CSMD1: variants seen among roughly 807,000 people sequenced by gnomAD.
CSMD1 encodes CUB and Sushi multiple domains 1.
In CSMD1, 213 loss-of-function variants were observed where a neutral mutation model predicts 417.5. That is an observed-to-expected ratio of 0.51 (90% CI 0.46 to 0.57). CSMD1 has a LOEUF of 0.57. CSMD1 is among the 20% of genes least tolerant of loss of function. CSMD1 has a pLI of 0.00. For missense variants in CSMD1, 6,923 were observed against 4,529.7 expected (o/e 1.53, Z -15.17); for synonymous variants, 2,862 against 1,736.8 (o/e 1.65, Z -16.11).
chr8:3,792,163 G>A (rs1276744257), intron 5 of CSMD1, among the ~76,000 whole-genome samples: 2 of 152,058 alleles, frequency 1.3e-5, no homozygotes, highest in East Asian at 3.9e-4. Flanking sequence ...GTGTCATGGT[G>A]CACACGTGTA....
At chr8:3,408,806 A>G (rs1442244604) in intron 13 of CSMD1, among the ~76,000 whole-genome samples, 1 of 152,086 alleles carries the variant, frequency 6.6e-6, no homozygotes, top group African/African-American at 2.4e-5. Context: ...ATATTATATA[A>G]ATAATTTTTT....
intron 2 of CSMD1, among the ~76,000 whole-genome samples, chr8:4,497,581 A>G (rs967891592): frequency 2.6e-5 from 4 of 152,162 alleles, no homozygotes; most frequent in African/African-American, 4.8e-5. Context: ...TGGAGTACAC[A>G]TGGTGGATGC....
At chr8:3,031,667 G>A (rs1181085065) in intron 50 of CSMD1, among the ~76,000 whole-genome samples, 7 of 151,764 alleles carry the variant, frequency 4.6e-5, no homozygotes, top group Non-Finnish European at 7.4e-5. Context: ...CAAAGTGCTG[G>A]GATTACAGGT....
intron 3 of CSMD1, among the ~76,000 whole-genome samples, chr8:4,135,600 G>C (rs1191117579): frequency 6.6e-6 from 1 of 151,938 alleles, no homozygotes; most frequent in Non-Finnish European, 1.5e-5. Flanking sequence ...ATATCAAGAG[G>C]AAAATTTAGT....
chr8:3,390,727 T>C (rs1475638880), intron 17 of CSMD1, among the ~76,000 whole-genome samples: 1 of 151,784 alleles, frequency 6.6e-6, no homozygotes, highest in Non-Finnish European at 1.5e-5. Flanking sequence ...ATAAAGGGAG[T>C]TGATTACTTT....
chr8:3,633,639 A>G (rs1433693424), intron 7 of CSMD1, among the ~76,000 whole-genome samples: 2 of 152,240 alleles, frequency 1.3e-5, no homozygotes, highest in South Asian at 4.1e-4. Flanking sequence ...AAAAAATGTT[A>G]ATGACATATT....
intron 3 of CSMD1, among the ~76,000 whole-genome samples, chr8:4,293,251 G>A (rs914765555): frequency 1.3e-5 from 2 of 152,172 alleles, no homozygotes; most frequent in Admixed American, 1.3e-4. Flanking sequence ...GCACAGAGTC[G>A]TGGAGAGACA....
At chr8:4,338,095 G>T (rs1275935025) in intron 3 of CSMD1, among the ~76,000 whole-genome samples, 1 of 152,078 alleles carries the variant, frequency 6.6e-6, no homozygotes, top group Non-Finnish European at 1.5e-5. Context: ...ACTTTTATGT[G>T]TAACTTTGGT....
chr8:4,041,870 A>T (rs1355964609), intron 3 of CSMD1, among the ~76,000 whole-genome samples: 1 of 152,192 alleles, frequency 6.6e-6, no homozygotes, highest in Admixed American at 6.5e-5. Context: ...TGAGATTCAA[A>T]AATCAATGGA....
chr8:3,911,586 G>C (rs972009300), intron 5 of CSMD1, among the ~76,000 whole-genome samples: 6 of 151,518 alleles, frequency 4.0e-5, no homozygotes, highest in Non-Finnish European at 5.9e-5. Flanking sequence ...ACACCAGCTG[G>C]TCTTTATATT....
intron 1 of CSMD1, among the ~76,000 whole-genome samples, chr8:4,723,621 T>C (rs1177545941): frequency 1.3e-5 from 2 of 151,956 alleles, no homozygotes; most frequent in African/African-American, 2.4e-5. Context: ...AAATAATAAT[T>C]AGCAGTTTGT....
chr8:3,065,138 T>A (rs182349346), intron 49 of CSMD1, among the ~76,000 whole-genome samples: 182 of 152,140 alleles, frequency 1.2e-3, no homozygotes, highest in African/African-American at 4.2e-3. Context: ...CCTCATTTCA[T>A]AAATAAGCAA....
chr8:3,746,235 C>T (rs914734573), intron 6 of CSMD1, among the ~76,000 whole-genome samples: 4 of 152,200 alleles, frequency 2.6e-5, no homozygotes, highest in African/African-American at 9.7e-5. Context: ...TCTTCCTCCA[C>T]ATCACAAAAC....
chr8:3,778,534 G>C (rs1005531880), intron 5 of CSMD1, among the ~76,000 whole-genome samples: 1 of 152,182 alleles, frequency 6.6e-6, no homozygotes, highest in Admixed American at 6.5e-5. Flanking sequence ...CTGCCCGTGT[G>C]CCTGTGCACG....
chr8:3,722,135 GA>G (rs2129044783), intron 6 of CSMD1, among the ~76,000 whole-genome samples: 1 of 152,164 alleles, frequency 6.6e-6, no homozygotes, highest in Non-Finnish European at 1.5e-5. Context: ...TTGAGGTCAG[GA>G]ATTTGAGACT....
rs751471423 is a variant in CSMD1, at chr8:3,236,183, G to T, written c.4154-5952C>A. Among the ~76,000 whole-genome samples, 23 of 152,140 alleles carry T rather than the reference G, an allele frequency of 1.5e-4. 1 individual carries two copies. The Middle Eastern group carries it at 0.02, about 135-fold the overall frequency. ...TCTGCCTGCCTCGGACTCCGAAAGT[G>T]CTGGGAATACAGGTGTGAGCCACCG... On this transcript the variant is annotated intron_variant, in intron 26 of 69. Coordinates refer to ENST00000635120, the MANE Select transcript of CSMD1 (RefSeq NM_033225.6).
At chr8:4,487,597 G>C (rs1801483020) in intron 2 of CSMD1, among the ~76,000 whole-genome samples, 1 of 152,084 alleles carries the variant, frequency 6.6e-6, no homozygotes, top group Non-Finnish European at 1.5e-5. Context: ...CCAAGTCTTT[G>C]CTATTGTGAA....
intron 6 of CSMD1, among the ~76,000 whole-genome samples, chr8:3,745,331 C>T (rs11775948): frequency 0.33 from 49,840 of 152,022 alleles, 8,356 homozygotes; most frequent in Admixed American, 0.37. Flanking sequence ...TGGTTGGAAT[C>T]TCATGAGCCT....
At chr8:4,486,180 C>CATAT (rs559383827) in intron 2 of CSMD1, among the ~76,000 whole-genome samples, 2 of 17,610 alleles carry the variant, frequency 1.1e-4, no homozygotes, top group East Asian at 2.1e-3. Context: ...TATATACATA[C>CATAT]ATATATATAT....
Sources: gnomAD v4.1 joint callset for allele counts (sites outside exome capture counted in the v4.1 genomes callset) on GRCh38, gnomAD v4.1.1 for gene constraint, MANE v1.5 for transcripts, NCBI Gene and HGNC (gene_info 2026-07-23, HGNC 2026-07-21) for gene names.